The following FOXP1 variants were observed in gnomAD, a reference collection of about 807,000 sequenced individuals.
FOXP1 encodes the protein forkhead box P1.
A neutral mutation model predicts 98.2 loss-of-function variants in FOXP1; 15 were observed. The observed-to-expected ratio is 0.15, with a 90% CI of 0.10 to 0.24. FOXP1 has a LOEUF of 0.24. Ranked by LOEUF, FOXP1 falls within the 10% of genes least tolerant of loss-of-function variation. The probability of loss-of-function intolerance (pLI) is 1.00; values close to 1 mark genes in which losing one functional copy is unlikely to be tolerated. For synonymous variants in FOXP1, 371 were observed against 314.5 expected (o/e 1.18, Z -1.90); for missense variants, 633 against 848.5 (o/e 0.75, Z 3.15).
intron 6 of FOXP1, among the ~76,000 whole-genome samples, chr3:71,123,718 T>A (rs1266448777): frequency 6.6e-6 from 1 of 152,186 alleles, no homozygotes; most frequent in Non-Finnish European, 1.5e-5. Flanking sequence ...CAGCTCTTTT[T>A]TTAAGCCACT....
At chr3:71,398,651 T>A (rs1489725176) in intron 3 of FOXP1, among the ~76,000 whole-genome samples, 5 of 152,178 alleles carry the variant, frequency 3.3e-5, no homozygotes, top group Non-Finnish European at 5.9e-5. Flanking sequence ...CAATTGTGCC[T>A]TCTGTAGAAA....
At chr3:71,321,580 TA>T (rs1407494696) in intron 4 of FOXP1, among the ~76,000 whole-genome samples, 1 of 152,110 alleles carries the variant, frequency 6.6e-6, no homozygotes, top group Non-Finnish European at 1.5e-5. Context: ...ACAATGTAAT[TA>T]AAGTAACTGG....
intron 3 of FOXP1, among the ~76,000 whole-genome samples, chr3:71,389,253 C>G (rs9849304): frequency 0.51 from 2,062 of 4,046 alleles, 280 homozygotes; most frequent in South Asian, 0.69. Flanking sequence ...GGGGGGGGGG[C>G]CGGGGGGGGC....
intron 5 of FOXP1, chr3:71,292,613 G>A (rs61491356): frequency 6.6e-6 from 1 of 152,342 alleles, no homozygotes; most frequent in East Asian, 1.9e-4. Flanking sequence ...GGGATTACAG[G>A]TGTGAGCCAC....
At position 71,268,384 on chromosome 3, in the gene FOXP1, C is replaced by T. The variant is rs554741217; in HGVS notation, c.-12+31436G>A. Among the ~76,000 whole-genome samples the T allele has an allele frequency of 1.8e-4, 28 of 152,060 alleles. 1 individual carries two copies. Among genetic ancestry groups the T allele is most frequent in the Middle Eastern group, 3.4e-3 (1 of 294 alleles). Reference sequence around the variant, plus strand: ...GCTTGAGAACTGACAAATGTATTTCCGAGATTCCAAGGGGCAGGAAAAGCC... The same window carrying T: ...GCTTGAGAACTGACAAATGTATTTCTGAGATTCCAAGGGGCAGGAAAAGCC... On this transcript the variant is annotated intron_variant, in intron 5 of 20. Transcript: ENST00000649528.
At chr3:71,064,564 G>T (rs887562542) in intron 7 of FOXP1, among the ~76,000 whole-genome samples, 1 of 151,904 alleles carries the variant, frequency 6.6e-6, no homozygotes, top group South Asian at 2.1e-4. Context: ...AGAGCAAGGG[G>T]GGTGGGGGGG....
intron 2 of FOXP1, among the ~76,000 whole-genome samples, chr3:71,517,349 A>C (rs968112710): frequency 1.3e-5 from 2 of 152,232 alleles, no homozygotes; most frequent in African/African-American, 4.8e-5. Flanking sequence ...GACATGACTT[A>C]AATAAGTAAC....
intron 3 of FOXP1, among the ~76,000 whole-genome samples, chr3:71,398,246 GTA>G (rs1192205046): frequency 1.3e-5 from 2 of 152,144 alleles, no homozygotes; most frequent in African/African-American, 4.8e-5. Context: ...TGTGCAATAT[GTA>G]TGTCAACAGT....
intron 2 of FOXP1, chr3:71,541,931 A>G (rs749067820): frequency 1.9e-6 from 1 of 523,156 alleles, no homozygotes; most frequent in South Asian, 1.4e-5. Context: ...ACTCTGGTCA[A>G]ACTACTCCTT....
chr3:71,167,489 A>C, intron 6 of FOXP1, among the ~76,000 whole-genome samples: 1 of 152,178 alleles, frequency 6.6e-6, no homozygotes, highest in African/African-American at 2.4e-5. Flanking sequence ...TGATGTTGTT[A>C]TTATTATTGA....
intron 6 of FOXP1, among the ~76,000 whole-genome samples, chr3:71,190,824 C>T (rs566184050): frequency 6.6e-6 from 1 of 151,924 alleles, no homozygotes; most frequent in South Asian, 2.1e-4. Flanking sequence ...GATAATGTGG[C>T]TCTATTTTTA....
chr3:71,435,939 G>A (rs866266138), intron 3 of FOXP1, among the ~76,000 whole-genome samples: 7 of 97,226 alleles, frequency 7.2e-5, no homozygotes, highest in East Asian at 2.8e-4. Flanking sequence ...GAGGGAGGGA[G>A]GAAGGGACGG....
At chr3:71,421,845 G>A (rs1448002075) in intron 3 of FOXP1, among the ~76,000 whole-genome samples, 2 of 152,178 alleles carry the variant, frequency 1.3e-5, no homozygotes, top group African/African-American at 4.8e-5. Context: ...ACCAGTGTTG[G>A]CCCTCCTATG....
At chr3:71,078,736 T>C (rs939855973) in intron 7 of FOXP1, among the ~76,000 whole-genome samples, 2 of 151,894 alleles carry the variant, frequency 1.3e-5, no homozygotes, top group African/African-American at 4.8e-5. Flanking sequence ...CATTTTGTTT[T>C]GCCTCCAAAG....
intron 3 of FOXP1, among the ~76,000 whole-genome samples, chr3:71,470,610 G>A (rs1037290192): frequency 6.6e-6 from 1 of 152,018 alleles, no homozygotes; most frequent in Non-Finnish European, 1.5e-5. Context: ...CGTGGTGTGC[G>A]CTCCTGTAGT....
chr3:71,240,400 C>T (rs2067154831), intron 5 of FOXP1, among the ~76,000 whole-genome samples: 1 of 152,170 alleles, frequency 6.6e-6, no homozygotes, highest in East Asian at 1.9e-4. Flanking sequence ...GATGGGCCTA[C>T]AAATGGAAGA....
chr3:71,111,983 C>T (rs543794443), intron 7 of FOXP1, among the ~76,000 whole-genome samples: 7 of 152,116 alleles, frequency 4.6e-5, no homozygotes, highest in South Asian at 2.1e-4. Flanking sequence ...CACGGTGTGT[C>T]GTGTCCTGTG....
chr3:71,342,777 G>C (rs948227041), intron 4 of FOXP1, among the ~76,000 whole-genome samples: 1 of 151,706 alleles, frequency 6.6e-6, no homozygotes, highest in Non-Finnish European at 1.5e-5. Context: ...ACCACAAGAA[G>C]TTGCAAAAAT....
intron 2 of FOXP1, among the ~76,000 whole-genome samples, chr3:71,560,632 C>T (rs1438556660): frequency 1.3e-5 from 2 of 152,088 alleles, no homozygotes; most frequent in African/African-American, 2.4e-5. Flanking sequence ...TTAACCAAAA[C>T]AGCCAAAAGT....
Sources: gnomAD v4.1 joint callset for allele counts (sites outside exome capture counted in the v4.1 genomes callset) on GRCh38, gnomAD v4.1.1 for gene constraint, MANE v1.5 for transcripts, NCBI Gene and HGNC (gene_info 2026-07-23, HGNC 2026-07-21) for gene names.